The following GPM6A variants were observed in gnomAD, a reference collection of about 807,000 sequenced individuals.
The protein encoded by GPM6A is neuronal membrane glycoprotein M6-a.
A neutral mutation model predicts 32.1 loss-of-function variants in GPM6A; 7 were observed. The observed-to-expected ratio is 0.22, with a 90% confidence interval of 0.12 to 0.41. The LOEUF is 0.41. GPM6A is among the 10% of genes least tolerant of loss of function. The pLI, the probability that GPM6A is intolerant of heterozygous loss-of-function variation, is 1.00. For missense variants in GPM6A, 235 were observed against 347.2 expected (o/e 0.68, Z 2.57); for synonymous variants, 130 against 123.4 (o/e 1.05, Z -0.35).
chr4:175,808,279 T>C (rs567366581), intron 1 of GPM6A, among the ~76,000 whole-genome samples: 2 of 152,318 alleles, frequency 1.3e-5, no homozygotes, highest in Admixed American at 1.3e-4. Context: ...ATACAGTATA[T>C]CCTTGTGTGC....
intron 1 of GPM6A, among the ~76,000 whole-genome samples, chr4:175,778,359 G>A (rs1031108874): frequency 6.6e-6 from 1 of 151,972 alleles, no homozygotes; most frequent in African/African-American, 2.4e-5. Flanking sequence ...GGGGGCCTAG[G>A]TGCGGTGGCT....
At chr4:175,936,723 C>T (rs1406322700) in intron 1 of GPM6A, among the ~76,000 whole-genome samples, 1 of 152,026 alleles carries the variant, frequency 6.6e-6, no homozygotes, top group Non-Finnish European at 1.5e-5. Context: ...AAACGTAAAG[C>T]ATCTGTAGAG....
chr4:175,647,991 A>G (rs1741567404), intron 4 of GPM6A, among the ~76,000 whole-genome samples: 1 of 152,180 alleles, frequency 6.6e-6, no homozygotes, highest in African/African-American at 2.4e-5. Context: ...CATAAAAGAA[A>G]AGGTACCTTT....
At chr4:175,900,304 GAAGGAAAGGA>G (rs70962429) in intron 1 of GPM6A, among the ~76,000 whole-genome samples, 9,475 of 127,952 alleles carry the variant, frequency 0.074, 522 homozygotes, top group East Asian at 0.3. Context: ...GAAAAGAAAA[GAAGGAAAGGA>G]AAGGAAAGGA....
chr4:175,932,725 T>C (rs1452479861), intron 1 of GPM6A, among the ~76,000 whole-genome samples: 1 of 152,168 alleles, frequency 6.6e-6, no homozygotes, highest in Non-Finnish European at 1.5e-5. Flanking sequence ...TGTTTTATGG[T>C]TCTTATATCA....
At chr4:175,720,885 T>C (rs1011709764) in intron 1 of GPM6A, among the ~76,000 whole-genome samples, 2 of 152,108 alleles carry the variant, frequency 1.3e-5, no homozygotes, top group African/African-American at 4.8e-5. Context: ...TAGTCATTTC[T>C]GCATTTGGCT....
Position 175,734,154 on chromosome 4 carries a change from A to AT in GPM6A, c.38-32388dup, listed in dbSNP as rs1237050957. Among the ~76,000 whole-genome samples the AT allele has an allele frequency of 4.1e-3, 343 of 82,792 alleles. 12 individuals carry two copies. In the East Asian group the frequency reaches 0.21, roughly 51 times the overall value. The allele number at this position is 82,792 out of a possible 152,430, so 54.3% of individuals were successfully genotyped here. On this transcript the variant is annotated intron_variant, in intron 1 of 6. Coordinates refer to ENST00000393658, the MANE Select transcript of GPM6A (RefSeq NM_201591.3). Reference sequence around the variant, plus strand: ...TTTTGCCATATATATATATATATATATATATATTTTTTAATTTCAACATCT... The same window carrying AT: ...TTTTGCCATATATATATATATATATATTATATATTTTTTAATTTCAACATCT...
intron 1 of GPM6A, among the ~76,000 whole-genome samples, chr4:175,994,937 A>G (rs1021467932): frequency 2.0e-5 from 3 of 152,246 alleles, no homozygotes; most frequent in Non-Finnish European, 2.9e-5. Flanking sequence ...CATCTTTACC[A>G]GAAGTAAATT....
chr4:175,816,108 G>A (rs555598361), upstream of GPM6A, among the ~76,000 whole-genome samples: 50 of 152,244 alleles, frequency 3.3e-4, no homozygotes, highest in Admixed American at 1.5e-3. Context: ...GGGGAATCAC[G>A]GGAGCCCGGG....
At chr4:175,730,884 T>C (rs1731398882) in intron 1 of GPM6A, among the ~76,000 whole-genome samples, 2 of 152,192 alleles carry the variant, frequency 1.3e-5, no homozygotes. Context: ...CCATTTTTCT[T>C]GACACTGCTT....
chr4:175,693,364 C>T (rs1296557970), intron 2 of GPM6A, among the ~76,000 whole-genome samples: 4 of 150,008 alleles, frequency 2.7e-5, no homozygotes, highest in Non-Finnish European at 5.9e-5. Context: ...ATAATAAATA[C>T]AAATATTTTA....
Position 175,974,446 on chromosome 4 carries a change from C to T in GPM6A, c.-23+27863G>A, listed in dbSNP as rs1017642874. 3.2e-4 allele frequency among the ~76,000 whole-genome samples: 49 copies of T among 152,234 alleles called. 1 individual carries two copies. Among genetic ancestry groups the T allele is most frequent in the African/African-American group, 1.1e-3 (47 of 41,554 alleles). On this transcript the variant is annotated intron_variant, in intron 1 of 7. Transcript: ENST00000280187. The stretch of plus-strand genomic sequence containing the variant: ...TGTCAGTTCACTGCAGCCTCCACCT[C>T]CCGGGTTCAAGCGATTCTCCAGCCT...
intron 2 of GPM6A, among the ~76,000 whole-genome samples, chr4:175,677,292 T>C (rs113805662): frequency 0.016 from 2,398 of 152,304 alleles, 28 homozygotes; most frequent in Non-Finnish European, 0.024. Flanking sequence ...GCCTGAAATG[T>C]TATGTTTCGG....
At chr4:175,968,292 C>T (rs1452895344) in intron 1 of GPM6A, among the ~76,000 whole-genome samples, 2 of 151,954 alleles carry the variant, frequency 1.3e-5, no homozygotes, top group African/African-American at 2.4e-5. Flanking sequence ...CATCATAGAC[C>T]TAAATGTAAA....
chr4:175,690,404 A>T (rs985687587), intron 2 of GPM6A, among the ~76,000 whole-genome samples: 1 of 152,218 alleles, frequency 6.6e-6, no homozygotes, highest in Non-Finnish European at 1.5e-5. Context: ...TGACTGTTTT[A>T]TCAAATTACC....
intron 1 of GPM6A, among the ~76,000 whole-genome samples, chr4:175,703,397 T>C (rs1744990148): frequency 6.6e-6 from 1 of 152,090 alleles, no homozygotes; most frequent in African/African-American, 2.4e-5. Context: ...ATCTCAAACC[T>C]TGACCTCAAG....
chr4:175,726,533 T>C (rs1478561018), intron 1 of GPM6A, among the ~76,000 whole-genome samples: 2 of 152,212 alleles, frequency 1.3e-5, no homozygotes, highest in African/African-American at 4.8e-5. Flanking sequence ...AAATAGCTAA[T>C]CTTTCCTTAA....
chr4:175,757,311 G>T (rs1368160057), intron 1 of GPM6A, among the ~76,000 whole-genome samples: 6 of 152,084 alleles, frequency 3.9e-5, no homozygotes, highest in Non-Finnish European at 8.8e-5. Context: ...CACCTTGGAA[G>T]TGGATGCTCC....
upstream of GPM6A, among the ~76,000 whole-genome samples, chr4:175,815,718 CTTTTT>C (rs60711329): frequency 3.9e-5 from 5 of 127,092 alleles, no homozygotes; most frequent in African/African-American, 3.0e-5. Flanking sequence ...TTTTTCTTTT[CTTTTT>C]TTTTTTTTTT....
Sources: allele counts gnomAD v4.1 joint callset (sites outside exome capture counted in the v4.1 genomes callset), GRCh38; gene constraint gnomAD v4.1.1; transcripts MANE v1.5; gene names NCBI Gene and HGNC (gene_info 2026-07-23, HGNC 2026-07-21).